DMD: variants seen among roughly 807,000 people sequenced by gnomAD.
DMD encodes dystrophin, also known as mutant dystrophin.
A neutral mutation model predicts 330.1 loss-of-function variants in DMD; 63 were observed. The observed-to-expected ratio is 0.19, with a 90% CI of 0.16 to 0.24. The LOEUF is 0.24. DMD is among the 10% of genes least tolerant of loss of function. DMD has a pLI of 1.00. For synonymous variants in DMD, 1,223 were observed against 959.8 expected (o/e 1.27, Z -5.07); for missense variants, 3,344 against 2,684.1 (o/e 1.25, Z -5.43).
At chrX:32,619,907 A>C (rs967042689) in intron 11 of DMD, among the ~76,000 whole-genome samples, 1 of 111,656 alleles carries the variant, frequency 9.0e-6, no homozygotes, top group African/African-American at 3.3e-5. Flanking sequence ...GAGCTGTCCA[A>C]CAGTAGCTGT....
At chrX:32,430,363 T>A (rs1348071510) in intron 29 of DMD, among the ~76,000 whole-genome samples, 2 of 111,729 alleles carry the variant, frequency 1.8e-5, no homozygotes, top group Non-Finnish European at 3.8e-5. Flanking sequence ...GAAACTTTCC[T>A]TTAATATCCT....
chrX:31,529,140 T>G (rs1014959680), intron 55 of DMD, among the ~76,000 whole-genome samples: 1 of 109,547 alleles, frequency 9.1e-6, no homozygotes, highest in African/African-American at 3.3e-5. Flanking sequence ...GAGAATCGCT[T>G]GAACCCGGGA....
intron 47 of DMD, among the ~76,000 whole-genome samples, chrX:31,899,445 G>T (rs1017616878): frequency 2.8e-5 from 3 of 109,033 alleles, no homozygotes; most frequent in Non-Finnish European, 5.7e-5. Flanking sequence ...AATCTCATTC[G>T]TAAGACTGAA....
intron 47 of DMD, among the ~76,000 whole-genome samples, chrX:31,924,688 C>G (rs1446653907): frequency 9.0e-6 from 1 of 111,437 alleles, no homozygotes; most frequent in African/African-American, 3.3e-5. Flanking sequence ...GTAAACCTAC[C>G]TTTTTCCTCG....
intron 50 of DMD, among the ~76,000 whole-genome samples, chrX:31,816,301 T>C (rs927796807): frequency 9.0e-6 from 1 of 111,527 alleles, no homozygotes; most frequent in African/African-American, 3.3e-5. Context: ...CATTATAATT[T>C]ATAATTTAAG....
At chrX:31,287,522 C>T (rs982027013) in intron 62 of DMD, among the ~76,000 whole-genome samples, 2 of 112,469 alleles carry the variant, frequency 1.8e-5, no homozygotes, top group Admixed American at 1.9e-4. Flanking sequence ...ACTAATAATT[C>T]TTGTCAATGT....
At chrX:32,625,800 C>T (rs780805401) in intron 11 of DMD, among the ~76,000 whole-genome samples, 80 of 111,926 alleles carry the variant, frequency 7.1e-4, no homozygotes, top group Non-Finnish European at 5.5e-4. Flanking sequence ...ACAATTAAAA[C>T]TTACAAATTA....
intron 47 of DMD, among the ~76,000 whole-genome samples, chrX:31,907,024 T>C (rs910026980): frequency 8.9e-6 from 1 of 112,208 alleles, no homozygotes; most frequent in Non-Finnish European, 1.9e-5. Context: ...CTTATTGTGA[T>C]ATAAATTTGA....
chrX:32,747,727 C>A (rs921656038), intron 7 of DMD, among the ~76,000 whole-genome samples: 1 of 110,731 alleles, frequency 9.0e-6, no homozygotes, highest in Non-Finnish European at 1.9e-5. Flanking sequence ...GATCTGCCTG[C>A]CTTGGCCTCC....
At chrX:33,015,522 G>A (rs1050213853) in intron 2 of DMD, among the ~76,000 whole-genome samples, 3 of 110,622 alleles carry the variant, frequency 2.7e-5, no homozygotes, top group Non-Finnish European at 5.7e-5. Context: ...GAAGGTGGAG[G>A]GTGGGAGGAG....
chrX:31,297,930 G>A (rs2054312816), intron 62 of DMD, among the ~76,000 whole-genome samples: 2 of 112,316 alleles, frequency 1.8e-5, no homozygotes, highest in African/African-American at 6.5e-5. Context: ...ACAGCCCATT[G>A]GCTGAGTAGT....
intron 7 of DMD, among the ~76,000 whole-genome samples, chrX:32,768,964 C>T (rs1319955734): frequency 8.9e-6 from 1 of 111,856 alleles, no homozygotes; most frequent in Non-Finnish European, 1.9e-5. Flanking sequence ...GAAGGGAGCA[C>T]ATATGCATCA....
chrX:33,314,388 G>A (rs974279615), intron 1 of DMD, among the ~76,000 whole-genome samples: 3 of 107,944 alleles, frequency 2.8e-5, no homozygotes, highest in African/African-American at 1.0e-4. Flanking sequence ...TTCCCAAGTC[G>A]CTGGGACTAC....
intron 44 of DMD, among the ~76,000 whole-genome samples, chrX:32,099,159 T>A (rs964864105): frequency 3.8e-4 from 42 of 111,762 alleles, no homozygotes; most frequent in Non-Finnish European, 4.3e-4. Context: ...CCAGCACCTG[T>A]TGTTTCCTGA....
At chrX:31,947,912 T>A (rs2095109670) in intron 45 of DMD, among the ~76,000 whole-genome samples, 1 of 110,939 alleles carries the variant, frequency 9.0e-6, no homozygotes, top group African/African-American at 3.3e-5. Context: ...AGACATATCC[T>A]CTTAATAATA....
chrX:31,548,700 G>A (rs4495595), intron 55 of DMD, among the ~76,000 whole-genome samples: 4 of 110,030 alleles, frequency 3.6e-5, no homozygotes, highest in Non-Finnish European at 7.6e-5. Flanking sequence ...TGGAAATTAA[G>A]TATCTTTGTT....
chrX:31,929,384 T>C (rs762320578), intron 47 of DMD, among the ~76,000 whole-genome samples: 70 of 111,750 alleles, frequency 6.3e-4, no homozygotes, highest in Non-Finnish European at 1.2e-3. Context: ...TTTTGGCATT[T>C]GGTCATTAAT....
intron 45 of DMD, among the ~76,000 whole-genome samples, chrX:31,939,119 G>T (rs2094959537): frequency 8.9e-6 from 1 of 111,773 alleles, no homozygotes; most frequent in Non-Finnish European, 1.9e-5. Context: ...AGTATAAGTT[G>T]ACCCTTCCCG....
intron 44 of DMD, among the ~76,000 whole-genome samples, chrX:31,979,533 C>T (rs17243075): frequency 0.2 from 22,296 of 110,808 alleles, 1,595 homozygotes; most frequent in Admixed American, 0.22. Context: ...TTTTTATGCA[C>T]GTTGAAAGAA....
Sources: allele counts gnomAD v4.1 joint callset (sites outside exome capture counted in the v4.1 genomes callset), GRCh38; gene constraint gnomAD v4.1.1; transcripts MANE v1.5; gene names NCBI Gene and HGNC (gene_info 2026-07-23, HGNC 2026-07-21).